RAPGEF4: variants seen among roughly 807,000 people sequenced by gnomAD.
RAPGEF4 encodes the protein Rap guanine nucleotide exchange factor 4.
In RAPGEF4, 66 loss-of-function variants were observed where a neutral mutation model predicts 147.9. The ratio of observed to expected loss-of-function variants is 0.45; its 90% CI spans 0.37 to 0.55. RAPGEF4 has a LOEUF of 0.55. Ranked by LOEUF, RAPGEF4 falls within the 20% of genes least tolerant of loss-of-function variation. The pLI, the probability that RAPGEF4 is intolerant of heterozygous loss-of-function variation, is 0.00. For missense variants in RAPGEF4, 1,071 were observed against 1,257.3 expected (o/e 0.85, Z 2.24); for synonymous variants, 419 against 442.7 (o/e 0.95, Z 0.67).
intron 4 of RAPGEF4, among the ~76,000 whole-genome samples, chr2:172,872,991 C>T (rs539839616): frequency 6.6e-6 from 1 of 152,268 alleles, no homozygotes; most frequent in South Asian, 2.1e-4. Context: ...ATACCCCTTA[C>T]TTGGGTGCAT....
Position 173,036,632 on chromosome 2 carries a change from G to A in RAPGEF4, c.2793G>A (p.Met931Ile), listed in dbSNP as rs1202883372. Reference protein sequence around the residue: ...IPFMPLLIKDMTFTHEGNKTF... With the variant: ...IPFMPLLIKDITFTHEGNKTF... ...GTGGCTTTTATTTCTTTACAGATATGACATTTACTCATGAGGGGAACAAGA... is the reference window on the plus strand; with the variant it reads ...GTGGCTTTTATTTCTTTACAGATATAACATTTACTCATGAGGGGAACAAGA... Residue 931 changes from methionine to isoleucine, a missense_variant, in exon 29 of 31, where the codon ATG becomes ATA. By Grantham distance (10) the Met-to-Ile change is conservative. Coordinates refer to ENST00000397081, the MANE Select transcript of RAPGEF4 (RefSeq NM_007023.4). 2 of 1,607,566 alleles carry A rather than the reference G, an allele frequency of 1.2e-6. No individual in the cohort carries two copies. The highest frequency in any genetic ancestry group is 1.7e-6 in the Non-Finnish European group (2 of 1,176,336).
intron 1 of RAPGEF4, among the ~76,000 whole-genome samples, chr2:172,760,793 A>G (rs1265695768): frequency 6.6e-6 from 1 of 152,112 alleles, no homozygotes; most frequent in Non-Finnish European, 1.5e-5. Context: ...GTGAACTTGA[A>G]GATCGAACAA....
intron 4 of RAPGEF4, among the ~76,000 whole-genome samples, chr2:172,901,538 G>T (rs1039188206): frequency 6.6e-5 from 10 of 152,082 alleles, no homozygotes; most frequent in African/African-American, 2.2e-4. Context: ...TCTGTTTTTT[G>T]AATGAAAATG....
At chr2:172,863,131 A>G (rs1161282012) in intron 4 of RAPGEF4, among the ~76,000 whole-genome samples, 1 of 152,198 alleles carries the variant, frequency 6.6e-6, no homozygotes, top group Admixed American at 6.5e-5. Context: ...AAAGAATCAT[A>G]GTGAGGAGTG....
At chr2:173,030,107 T>C in intron 25 of RAPGEF4, 57 bp from the exon 26 acceptor site, 1 of 1,222,988 alleles carries the variant, frequency 8.2e-7, no homozygotes, top group Non-Finnish European at 1.2e-6. Flanking sequence ...AACTCTAATT[T>C]TTTTTATCTC....
At chr2:172,858,541 G>C (rs1271160256) in intron 4 of RAPGEF4, among the ~76,000 whole-genome samples, 1 of 152,224 alleles carries the variant, frequency 6.6e-6, no homozygotes, top group African/African-American at 2.4e-5. Flanking sequence ...TCAGTTCTGG[G>C]AAGGTGGGCT....
At chr2:173,015,987 TATC>T (rs1446197446) in intron 18 of RAPGEF4, among the ~76,000 whole-genome samples, 1 of 152,214 alleles carries the variant, frequency 6.6e-6, no homozygotes, top group Non-Finnish European at 1.5e-5. Flanking sequence ...TTCATATAAA[TATC>T]ATATAAACAG....
intron 11 of RAPGEF4, among the ~76,000 whole-genome samples, chr2:172,985,053 T>C (rs1692098665): frequency 1.3e-5 from 2 of 152,234 alleles, no homozygotes; most frequent in South Asian, 2.1e-4. Context: ...TGATGCATTA[T>C]ATGTAATGCA....
chr2:172,939,439 C>T (rs1686925849), intron 6 of RAPGEF4, among the ~76,000 whole-genome samples: 1 of 152,080 alleles, frequency 6.6e-6, no homozygotes, highest in African/African-American at 2.4e-5. Context: ...ATGCTGTTTG[C>T]CATCTGTCTT....
At chr2:172,992,814 A>G (rs1381098668) in intron 15 of RAPGEF4, among the ~76,000 whole-genome samples, 1 of 152,232 alleles carries the variant, frequency 6.6e-6, no homozygotes, top group Non-Finnish European at 1.5e-5. Context: ...AGTGAGTACA[A>G]ATTAATGTAC....
intron 12 of RAPGEF4, 89 bp from the exon 13 acceptor site, chr2:172,988,106 TG>T: frequency 1.4e-6 from 2 of 1,438,252 alleles, no homozygotes. Context: ...GCATATTTTC[TG>T]GGGACTTAAA....
chr2:172,992,854 A>T (rs1248884473), intron 15 of RAPGEF4, among the ~76,000 whole-genome samples: 1 of 152,182 alleles, frequency 6.6e-6, no homozygotes, highest in Admixed American at 6.5e-5. Flanking sequence ...GAAGAATGAA[A>T]AGCTGCTCTC....
chr2:172,739,907 G>A (rs189431205), intron 1 of RAPGEF4, among the ~76,000 whole-genome samples: 57 of 152,328 alleles, frequency 3.7e-4, no homozygotes, highest in Non-Finnish European at 7.5e-4. Context: ...CGTATGTCTC[G>A]TGGGCTAAGA....
In RAPGEF4 at chr2:172,810,621, G is replaced by A. The variant is rs1415788519; in HGVS notation, c.298-3658G>A. ...GGTGATATGCCAGAGGCGATTTTGT[G>A]TGTGTGTTCCCATCAGCCCTTGTTA... On this transcript the variant is annotated intron_variant, in intron 3 of 30. Coordinates refer to ENST00000397081, the MANE Select transcript of RAPGEF4 (RefSeq NM_007023.4). Among the ~76,000 whole-genome samples the A allele has an allele frequency of 2.6e-5, 4 of 152,232 alleles. No individual in the cohort carries two copies. In the East Asian group the frequency reaches 7.7e-4, roughly 29 times the overall value.
chr2:172,759,259 G>A (rs550172155), intron 1 of RAPGEF4, among the ~76,000 whole-genome samples: 2 of 152,312 alleles, frequency 1.3e-5, no homozygotes, highest in South Asian at 2.1e-4. Flanking sequence ...GAAGCTGGCA[G>A]TACTAAAAAC....
chr2:172,762,617 G>A (rs1424553775), intron 1 of RAPGEF4, among the ~76,000 whole-genome samples: 1 of 152,198 alleles, frequency 6.6e-6, no homozygotes, highest in African/African-American at 2.4e-5. Context: ...GGGGACAGAA[G>A]AAGAGGTGGC....
upstream of RAPGEF4, chr2:172,735,370 T>A (rs1268015481): frequency 6.6e-6 from 1 of 151,488 alleles, no homozygotes; most frequent in Non-Finnish European, 1.5e-5. Context: ...TTCCTCGCCC[T>A]CCCCTCCAGC....
At chr2:172,748,619 G>A (rs879270110) in intron 1 of RAPGEF4, among the ~76,000 whole-genome samples, 2 of 152,114 alleles carry the variant, frequency 1.3e-5, no homozygotes, top group Non-Finnish European at 2.9e-5. Context: ...AGATTTGGGT[G>A]GGGACACAGC....
At chr2:172,890,588 T>C (rs1225991028) in intron 4 of RAPGEF4, among the ~76,000 whole-genome samples, 1 of 152,196 alleles carries the variant, frequency 6.6e-6, no homozygotes, top group African/African-American at 2.4e-5. Context: ...ATCAACCAGG[T>C]TACGTTTCTC....
Sources: allele counts gnomAD v4.1 joint callset (sites outside exome capture counted in the v4.1 genomes callset), GRCh38; gene constraint gnomAD v4.1.1; transcripts MANE v1.5; gene names NCBI Gene and HGNC (gene_info 2026-07-23, HGNC 2026-07-21).